Variants in PARD3 observed in about 807,000 individuals in gnomAD.
PARD3 encodes the protein par-3 family cell polarity regulator.
A neutral mutation model predicts 155.4 loss-of-function variants in PARD3; 75 were observed. The observed-to-expected ratio is 0.48, with a 90% confidence interval of 0.40 to 0.58. The LOEUF (loss-of-function observed/expected upper bound fraction) is 0.58, where lower values mean the gene tolerates loss of function less well. PARD3 is among the 20% of genes least tolerant of loss of function. PARD3 has a pLI of 0.00. For synonymous variants in PARD3, 576 were observed against 610.5 expected (o/e 0.94, Z 0.83); for missense variants, 1,642 against 1,721.7 (o/e 0.95, Z 0.82).
At chr10:34,456,066 A>C (rs1768683722) in intron 4 of PARD3, among the ~76,000 whole-genome samples, 1 of 152,216 alleles carries the variant, frequency 6.6e-6, no homozygotes, top group African/African-American at 2.4e-5. Flanking sequence ...ATGTGTTTAT[A>C]AAGTTTTTAT....
intron 22 of PARD3, among the ~76,000 whole-genome samples, chr10:34,142,857 T>C (rs1399180904): frequency 1.3e-5 from 2 of 152,194 alleles, no homozygotes; most frequent in Non-Finnish European, 2.9e-5. Context: ...ATTCATTCAA[T>C]AAAACCACTG....
intron 22 of PARD3, among the ~76,000 whole-genome samples, chr10:34,204,271 A>G (rs2133358291): frequency 6.6e-6 from 1 of 152,330 alleles, no homozygotes. Context: ...GAGCAAGCGA[A>G]TGACACATGG....
intron 2 of PARD3, among the ~76,000 whole-genome samples, chr10:34,621,699 A>G (rs1016499874): frequency 6.6e-6 from 1 of 152,240 alleles, no homozygotes; most frequent in African/African-American, 2.4e-5. Context: ...GAGCATGGAT[A>G]TTGTTATTGT....
At chr10:34,566,960 AT>A (rs952313450) in intron 2 of PARD3, among the ~76,000 whole-genome samples, 2 of 152,304 alleles carry the variant, frequency 1.3e-5, no homozygotes, top group African/African-American at 4.8e-5. Flanking sequence ...TACTTCCAGG[AT>A]TTTTTTAAGT....
At chr10:34,139,130 A>C (rs1379412181) in intron 22 of PARD3, among the ~76,000 whole-genome samples, 2 of 152,198 alleles carry the variant, frequency 1.3e-5, no homozygotes, top group Non-Finnish European at 2.9e-5. Flanking sequence ...TCAAAGTCCT[A>C]CAACTTAAGA....
At chr10:34,581,974 T>C (rs1167809136) in intron 2 of PARD3, among the ~76,000 whole-genome samples, 2 of 152,234 alleles carry the variant, frequency 1.3e-5, no homozygotes, top group African/African-American at 4.8e-5. Flanking sequence ...GTTTTCACAT[T>C]AGCTCTACAA....
chr10:34,685,987 T>G (rs1409299574), intron 2 of PARD3, among the ~76,000 whole-genome samples: 3 of 152,328 alleles, frequency 2.0e-5, no homozygotes, highest in East Asian at 3.9e-4. Context: ...ACCCTGCAAC[T>G]CATCCCATTT....
intron 1 of PARD3, among the ~76,000 whole-genome samples, chr10:34,787,345 C>T (rs565317614): frequency 3.3e-5 from 5 of 152,326 alleles, no homozygotes; most frequent in South Asian, 2.1e-4. Flanking sequence ...CGCCACTGCA[C>T]TCCAGCCTGG....
chr10:34,558,726 T>C (rs2085216958), intron 2 of PARD3, among the ~76,000 whole-genome samples: 1 of 152,178 alleles, frequency 6.6e-6, no homozygotes, highest in African/African-American at 2.4e-5. Context: ...AGGTCAGGAA[T>C]TCAAGACCAG....
intron 1 of PARD3, among the ~76,000 whole-genome samples, chr10:34,795,053 C>T (rs529714282): frequency 6.6e-6 from 1 of 152,202 alleles, no homozygotes; most frequent in Non-Finnish European, 1.5e-5. Flanking sequence ...TGCTGTCTTC[C>T]AGGTCTAAAA....
intron 3 of PARD3, among the ~76,000 whole-genome samples, chr10:34,507,099 T>C (rs1174447818): frequency 6.6e-6 from 1 of 152,194 alleles, no homozygotes; most frequent in African/African-American, 2.4e-5. Context: ...GTCCCTGATC[T>C]GCAACCCTCC....
intron 3 of PARD3, among the ~76,000 whole-genome samples, chr10:34,485,831 G>C (rs1353339468): frequency 6.7e-6 from 1 of 149,424 alleles, no homozygotes; most frequent in Non-Finnish European, 1.5e-5. Context: ...AAAATACTTT[G>C]ATTTCTTTAA....
rs11409737 is a variant in PARD3, at chr10:34,123,294, AT to A, written c.3541-3555del. On this transcript the variant is annotated intron_variant, in intron 23 of 24. Transcript: ENST00000374788. ...TTAAAACCACAAGTGAAAAATATGT[AT>A]TTTTTTTTGTAAGTGGACTACAAAG... is the stretch of plus-strand genomic sequence containing the variant. Among the ~76,000 whole-genome samples the A allele has an allele frequency of 4.0e-5, 6 of 151,480 alleles. No individual in the cohort carries two copies. The South Asian group carries it at 6.3e-4, about 16-fold the overall frequency.
chr10:34,601,788 T>C (rs770201816), intron 2 of PARD3, among the ~76,000 whole-genome samples: 35 of 152,228 alleles, frequency 2.3e-4, no homozygotes, highest in Non-Finnish European at 4.6e-4. Flanking sequence ...ATACAACTTA[T>C]TTCCATTCTG....
At chr10:34,302,117 G>A (rs1397758459) in intron 20 of PARD3, among the ~76,000 whole-genome samples, 1 of 152,040 alleles carries the variant, frequency 6.6e-6, no homozygotes, top group Non-Finnish European at 1.5e-5. Context: ...TCATTTATGA[G>A]AGGCCACCTG....
At chr10:34,391,008 G>A (rs1202044704) in intron 7 of PARD3, among the ~76,000 whole-genome samples, 4 of 152,098 alleles carry the variant, frequency 2.6e-5, no homozygotes, top group Non-Finnish European at 5.9e-5. Context: ...CTCCCCCATT[G>A]AGTGGCAGGG....
chr10:34,562,750 A>T (rs2134076235), intron 2 of PARD3, among the ~76,000 whole-genome samples: 1 of 151,958 alleles, frequency 6.6e-6, no homozygotes, highest in African/African-American at 2.4e-5. Flanking sequence ...ATTAAAACTG[A>T]TTATTTTAAT....
At chr10:34,725,462 A>C (rs12772997) in intron 1 of PARD3, among the ~76,000 whole-genome samples, 1 of 151,874 alleles carries the variant, frequency 6.6e-6, no homozygotes, top group East Asian at 1.9e-4. Context: ...GCCCAGTCAA[A>C]ACTTTTCAAG....
intron 5 of PARD3, among the ~76,000 whole-genome samples, chr10:34,442,433 C>T (rs1233392042): frequency 1.3e-5 from 2 of 152,338 alleles, no homozygotes; most frequent in Admixed American, 6.5e-5. Context: ...TAAACCACCT[C>T]CTATTGTAAT....
Sources: allele counts gnomAD v4.1 joint callset (sites outside exome capture counted in the v4.1 genomes callset), GRCh38; gene constraint gnomAD v4.1.1; transcripts MANE v1.5; gene names NCBI Gene and HGNC (gene_info 2026-07-23, HGNC 2026-07-21).